CNTNAP2: variants seen among roughly 807,000 people sequenced by gnomAD.
CNTNAP2 encodes contactin associated protein 2.
In CNTNAP2, 98 loss-of-function variants were observed where a neutral mutation model predicts 155.2. That is an observed-to-expected ratio of 0.63 (90% CI 0.54 to 0.75). CNTNAP2 has a LOEUF of 0.75. Ranked by LOEUF, CNTNAP2 falls within the 30% of genes least tolerant of loss-of-function variation. The pLI, the probability that CNTNAP2 is intolerant of heterozygous loss-of-function variation, is 0.00. For missense variants in CNTNAP2, 1,727 were observed against 1,688.1 expected (o/e 1.02, Z -0.40); for synonymous variants, 651 against 631.2 (o/e 1.03, Z -0.47).
At chr7:148,278,246 A>T (rs962844320) in intron 21 of CNTNAP2, among the ~76,000 whole-genome samples, 2 of 152,034 alleles carry the variant, frequency 1.3e-5, no homozygotes, top group Admixed American at 6.6e-5. Flanking sequence ...GATGCAGGAG[A>T]ACTCTGTGAC....
intron 8 of CNTNAP2, among the ~76,000 whole-genome samples, chr7:147,205,698 A>G (rs1317793115): frequency 6.6e-6 from 1 of 152,044 alleles, no homozygotes; most frequent in Non-Finnish European, 1.5e-5. Flanking sequence ...TAAAAAAAAA[A>G]AGGAACTCAG....
At chr7:146,856,099 G>C (rs1562974898) in intron 3 of CNTNAP2, among the ~76,000 whole-genome samples, 1 of 151,532 alleles carries the variant, frequency 6.6e-6, no homozygotes, top group Non-Finnish European at 1.5e-5. Flanking sequence ...AATTACATAA[G>C]AGCCAACTTG....
chr7:147,006,054 A>G (rs1798518274), intron 3 of CNTNAP2, among the ~76,000 whole-genome samples: 1 of 152,088 alleles, frequency 6.6e-6, no homozygotes, highest in Non-Finnish European at 1.5e-5. Context: ...GGAAAAAGAC[A>G]GATTAACAAG....
At chr7:148,368,821 G>A (rs1798831778) in intron 21 of CNTNAP2, among the ~76,000 whole-genome samples, 1 of 152,050 alleles carries the variant, frequency 6.6e-6, no homozygotes, top group Admixed American at 6.5e-5. Flanking sequence ...GACTGAGACA[G>A]AACAGACCAG....
intron 14 of CNTNAP2, among the ~76,000 whole-genome samples, chr7:147,938,230 A>C (rs557362941): frequency 6.6e-6 from 1 of 152,272 alleles, no homozygotes; most frequent in Admixed American, 6.5e-5. Context: ...AACTCTCAGC[A>C]CTCGTAAAAA....
intron 1 of CNTNAP2, among the ~76,000 whole-genome samples, chr7:146,721,022 T>TTATA (rs71165033): frequency 2.5e-5 from 3 of 120,444 alleles, no homozygotes; most frequent in African/African-American, 1.3e-4. Flanking sequence ...ACTCTATATA[T>TTATA]TATATATACT....
intron 17 of CNTNAP2, among the ~76,000 whole-genome samples, chr7:148,159,658 T>C (rs1805479068): frequency 6.6e-6 from 1 of 152,224 alleles, no homozygotes; most frequent in Admixed American, 6.5e-5. Context: ...TGTGTGTGTG[T>C]GTGCCTCTGT....
intron 1 of CNTNAP2, among the ~76,000 whole-genome samples, chr7:146,382,270 C>G (rs747058915): frequency 6.6e-6 from 1 of 151,878 alleles, no homozygotes; most frequent in Non-Finnish European, 1.5e-5. Flanking sequence ...CAGGTGCAAT[C>G]GAACAGAAAA....
chr7:147,837,985 C>G (rs1798660760), intron 13 of CNTNAP2, among the ~76,000 whole-genome samples: 1 of 152,190 alleles, frequency 6.6e-6, no homozygotes, highest in African/African-American at 2.4e-5. Flanking sequence ...AAATTTCTGC[C>G]TGGACATCCA....
In CNTNAP2 at chr7:147,363,050, A is replaced by G. The variant is rs571594208; in HGVS notation, c.1499-32559A>G. Among the ~76,000 whole-genome samples, 11 of 152,260 alleles carry G rather than the reference A, an allele frequency of 7.2e-5. No homozygotes were observed. In the South Asian group the frequency reaches 1.0e-3, roughly 14 times the overall value. On this transcript the variant is annotated intron_variant, in intron 9 of 23. Coordinates refer to ENST00000361727, the MANE Select transcript of CNTNAP2 (RefSeq NM_014141.6). ...AATCAAGATGAAACCCTCACCTCCA[A>G]TGGGTCAGTGGGTCTGAACCTTCAC...
intron 1 of CNTNAP2, among the ~76,000 whole-genome samples, chr7:146,207,644 T>TTG (rs1798968066): frequency 6.6e-6 from 1 of 150,902 alleles, no homozygotes; most frequent in South Asian, 2.1e-4. Flanking sequence ...TGTGTTTTTT[T>TTG]TTTTTTTTTT....
At chr7:146,785,420 T>C (rs1260217481) in intron 2 of CNTNAP2, among the ~76,000 whole-genome samples, 1 of 152,262 alleles carries the variant, frequency 6.6e-6, no homozygotes, top group Non-Finnish European at 1.5e-5. Context: ...TTTCATGCTG[T>C]ACTTATGCAG....
At chr7:147,708,810 T>TAAATGA (rs1287786107) in intron 13 of CNTNAP2, among the ~76,000 whole-genome samples, 1 of 152,202 alleles carries the variant, frequency 6.6e-6, no homozygotes, top group East Asian at 1.9e-4. Context: ...TGTTCTTTCA[T>TAAATGA]AAATGATCTA....
chr7:146,944,933 T>C lies in CNTNAP2; in HGVS notation c.403-98974T>C, dbSNP rs185149448. On this transcript the variant is annotated intron_variant, in intron 3 of 23. Transcript: ENST00000361727. ...CGTAAGGCTATGCATAGCAATTTAA[T>C]GGTAGTTGTCTCAAGGTGGTGGGGT... 1.0e-3 allele frequency among the ~76,000 whole-genome samples: 156 copies of C among 152,062 alleles called. 1 individual carries two copies. Among genetic ancestry groups the C allele is most frequent in the Non-Finnish European group, 1.7e-3 (116 of 67,954 alleles).
chr7:148,152,950 G>A (rs1226427516), intron 17 of CNTNAP2, among the ~76,000 whole-genome samples: 3 of 150,530 alleles, frequency 2.0e-5, no homozygotes, highest in Non-Finnish European at 4.4e-5. Context: ...GAACCCGGGA[G>A]GCGGAGCTTG....
intron 3 of CNTNAP2, among the ~76,000 whole-genome samples, chr7:146,955,162 T>C (rs1797406828): frequency 6.6e-6 from 1 of 152,038 alleles, no homozygotes; most frequent in Non-Finnish European, 1.5e-5. Context: ...ATATATTCAC[T>C]GTTATCATCG....
intron 1 of CNTNAP2, among the ~76,000 whole-genome samples, chr7:146,286,886 A>T (rs802527): frequency 2.6e-5 from 4 of 152,018 alleles, no homozygotes; most frequent in African/African-American, 9.7e-5. Flanking sequence ...TGGAAGGATC[A>T]CCTGAGGCCA....
intron 1 of CNTNAP2, among the ~76,000 whole-genome samples, chr7:146,351,865 C>T (rs537248864): frequency 6.4e-4 from 97 of 152,296 alleles, no homozygotes; most frequent in African/African-American, 2.3e-3. Context: ...ATCATCACCT[C>T]TATTCCCCAA....
At position 147,057,533 on chromosome 7, in the gene CNTNAP2, A is replaced by C. The variant is rs180720263; in HGVS notation, c.550+13479A>C. On this transcript the variant is annotated intron_variant, in intron 4 of 23. Coordinates refer to ENST00000361727, the MANE Select transcript of CNTNAP2 (RefSeq NM_014141.6). Reference sequence around the variant, plus strand: ...CATTGTTGATATTTCTGGCTCTATAATTCTTGGCTTTGGAGGAAAGGGCTG... The same window carrying C: ...CATTGTTGATATTTCTGGCTCTATACTTCTTGGCTTTGGAGGAAAGGGCTG... 2.6e-3 allele frequency among the ~76,000 whole-genome samples: 403 copies of C among 152,260 alleles called. 1 individual carries two copies. Among genetic ancestry groups the C allele is most frequent in the African/African-American group, 9.1e-3 (380 of 41,554 alleles).
Sources: allele counts gnomAD v4.1 joint callset (sites outside exome capture counted in the v4.1 genomes callset), GRCh38; gene constraint gnomAD v4.1.1; transcripts MANE v1.5; gene names NCBI Gene and HGNC (gene_info 2026-07-23, HGNC 2026-07-21).